The following KIAA1586 variants were observed in gnomAD, a reference collection of about 807,000 sequenced individuals.
KIAA1586 encodes E3 SUMO-protein ligase KIAA1586.
Under a neutral mutation model 6.1 loss-of-function variants are expected in KIAA1586, and 5 were observed. The ratio of observed to expected loss-of-function variants is 0.82; its 90% CI spans 0.43 to 1.73. KIAA1586 has a LOEUF of 1.73. Ranked by LOEUF, KIAA1586 falls within the 40% of genes most tolerant of loss-of-function variation. The pLI is 0.02. For synonymous variants in KIAA1586, 280 were observed against 301.7 expected (o/e 0.93, Z 0.75); for missense variants, 899 against 878.2 (o/e 1.02, Z -0.30).
downstream of KIAA1586, among the ~76,000 whole-genome samples, chr6:57,058,614 C>G (rs970063266): frequency 6.6e-6 from 1 of 152,114 alleles, no homozygotes; most frequent in Admixed American, 6.5e-5. Flanking sequence ...AAATTTGAAG[C>G]TCCAAGGATA....
At chr6:57,064,563 C>G in the KIAA1586 span, among the ~76,000 whole-genome samples, 1 of 152,256 alleles carries the variant, frequency 6.6e-6, no homozygotes, top group Non-Finnish European at 1.5e-5. Flanking sequence ...TTTTTTCTTA[C>G]AAAATCTTTG....
the KIAA1586 span, among the ~76,000 whole-genome samples, chr6:57,061,414 A>C: frequency 6.6e-6 from 1 of 152,234 alleles, no homozygotes; most frequent in African/African-American, 2.4e-5. Context: ...ATCTATTGAG[A>C]CAGGGTCTTA....
chr6:57,048,123 A>G (rs796858917), intron 2 of KIAA1586, among the ~76,000 whole-genome samples: 17 of 150,392 alleles, frequency 1.1e-4, no homozygotes, highest in South Asian at 2.1e-4. Flanking sequence ...GTTTTATGAT[A>G]TATTTTGGGG....
In KIAA1586 at chr6:57,054,027, T is replaced by TA. The variant is rs751754390; in HGVS notation, c.1529dup (p.Tyr510Ter). 67 of 1,610,730 alleles carry TA rather than the reference T, an allele frequency of 4.2e-5. No homozygotes were observed. In the East Asian group the frequency reaches 1.4e-3, roughly 33 times the overall value. ...PILYMHFSHS[Y>*]SGLAKRLANI... ...ATTATATATGCATTTTTCTCATTCT[T>TA]ACTCTGGTTTGGCGAAGAGATTAGC... The change falls in exon 4 of 4, where the codon TAC becomes TAAC. Residue 510 changes from tyrosine to a stop codon, truncating the protein, a stop_gained and frameshift_variant. Coordinates refer to ENST00000370733, the MANE Select transcript of KIAA1586 (RefSeq NM_020931.4). LOFTEE classifies it low-confidence loss of function (END_TRUNC).
intron 3 of KIAA1586, among the ~76,000 whole-genome samples, chr6:57,052,065 GTTTCAC>G (rs1210250144): frequency 6.6e-6 from 1 of 152,030 alleles, no homozygotes; most frequent in Non-Finnish European, 1.5e-5. Context: ...TGTCTTTATT[GTTTCAC>G]TTTCATCTTA....
At chr6:57,049,107 G>C (rs1828256692) in intron 2 of KIAA1586, among the ~76,000 whole-genome samples, 1 of 152,146 alleles carries the variant, frequency 6.6e-6, no homozygotes, top group East Asian at 1.9e-4. Context: ...AGGTTTGACA[G>C]CTCTTATATG....
Position 57,050,810 on chromosome 6 carries a change from C to CACCA in KIAA1586, c.142_143insACCA (p.Leu48HisfsTer6), listed in dbSNP as rs1352939765. On this transcript the variant is annotated frameshift_variant, in exon 3 of 4. Transcript: ENST00000370733. LOFTEE classifies it low-confidence loss of function (END_TRUNC). ...GAGACCTGTTCTTGAATACATCGATCTGGTCTGTGGTGATGATGAAAACCC... is the reference window on the plus strand; with the variant it reads ...GAGACCTGTTCTTGAATACATCGATCACCATGGTCTGTGGTGATGATGAAAACCC... The CACCA allele has an allele frequency of 6.2e-7, 1 of 1,613,236 alleles. No homozygotes were observed. Among genetic ancestry groups the CACCA allele is most frequent in the African/African-American group, 1.3e-5 (1 of 74,798 alleles).
intron 3 of KIAA1586, among the ~76,000 whole-genome samples, chr6:57,051,056 C>G (rs1318642253): frequency 1.3e-5 from 2 of 151,184 alleles, no homozygotes; most frequent in African/African-American, 4.9e-5. Context: ...AAGGTGAAAC[C>G]CCCATCTCTA....
In KIAA1586 at chr6:57,054,315, T is replaced by G. The variant is rs1364529894; in HGVS notation, c.1816T>G (p.Leu606Val). 6.3e-7 allele frequency: 1 copy of G among 1,588,050 alleles called. No individual in the cohort carries two copies. Among genetic ancestry groups the G allele is most frequent in the African/African-American group, 1.4e-5 (1 of 73,168 alleles). Residue 606 changes from leucine (L) to valine (V), a missense_variant, in exon 4 of 4, where the codon TTA (leucine) becomes GTA (valine). Transcript: ENST00000370733. ...ATTTAATGCTCTTCCTAGGAGTATA[T>G]TACTAGACAATATAATTCAGCACAT... ...NKFNALPRSILLDNIIQHMNL... is the reference protein window; with the variant it reads ...NKFNALPRSIVLDNIIQHMNL...
chr6:57,050,858 AGCACATTATATTT>A lies in KIAA1586; in HGVS notation c.186+6_186+18del. 6.3e-7 allele frequency: 1 copy of A among 1,593,258 alleles called. No homozygotes were observed. The highest frequency in any genetic ancestry group is 8.6e-7 in the Non-Finnish European group (1 of 1,161,322). ...CCCTAGCGCCTATTATAGTGATGTA[AGCACATTATATTT>A]GTGTTTGTTCAGTTTTCTTATTAAG... On this transcript the variant is annotated splice_donor_5th_base_variant and intron_variant, in intron 3 of 3. Transcript: ENST00000370733.
chr6:57,051,026 T>C (rs889696367), intron 3 of KIAA1586, among the ~76,000 whole-genome samples, 172 bp downstream of exon 3: 1 of 151,720 alleles, frequency 6.6e-6, no homozygotes, highest in African/African-American at 2.4e-5. Context: ...GGCCAGGAGT[T>C]CGAGACCAGC....
At chr6:57,065,601 C>T in the KIAA1586 span, among the ~76,000 whole-genome samples, 1 of 151,972 alleles carries the variant, frequency 6.6e-6, no homozygotes, top group African/African-American at 2.4e-5. Flanking sequence ...ATCCTCCCAC[C>T]TCTACCTCCC....
In KIAA1586 at chr6:57,054,396, T is replaced by A. The variant is rs1593051378; in HGVS notation, c.1897T>A (p.Leu633Met). The change falls in exon 4 of 4, where the codon TTG (leucine) becomes ATG (methionine). Residue 633 changes from leucine (L) to methionine (M), a missense_variant. By Grantham distance (15) the Leu-to-Met change is conservative. Transcript: ENST00000370733. ...TGAAGATATTTTTAATTACTTTGAT[T>A]TGCTGGAACCTTCCACATGGCCTTA... is the stretch of plus-strand genomic sequence containing the variant. The part of the protein sequence containing the change: ...NHEDIFNYFD[L>M]LEPSTWPYEE... The A allele has an allele frequency of 6.2e-7, 1 of 1,609,380 alleles. No homozygotes were observed.
chr6:57,063,316 G>A, the KIAA1586 span, among the ~76,000 whole-genome samples: 1 of 152,084 alleles, frequency 6.6e-6, no homozygotes, highest in Non-Finnish European at 1.5e-5. Context: ...GTATTTGTGT[G>A]TGGAAGGGAG....
intron 3 of KIAA1586, among the ~76,000 whole-genome samples, chr6:57,051,884 GA>G (rs1436991406): frequency 1.3e-5 from 2 of 152,162 alleles, no homozygotes; most frequent in Non-Finnish European, 2.9e-5. Context: ...GGAGACATGA[GA>G]ATTGCTTGAA....
At chr6:57,063,112 T>C in the KIAA1586 span, among the ~76,000 whole-genome samples, 1 of 152,182 alleles carries the variant, frequency 6.6e-6, no homozygotes, top group Non-Finnish European at 1.5e-5. Flanking sequence ...GATATTTCTG[T>C]GGTTCCTTTT....
the KIAA1586 span, among the ~76,000 whole-genome samples, chr6:57,061,852 C>A: frequency 6.6e-6 from 1 of 151,540 alleles, no homozygotes. Context: ...TTAACAATAT[C>A]ACAAAACATA....
chr6:57,054,228 C>A lies in KIAA1586; in HGVS notation c.1729C>A (p.Gln577Lys). 1.3e-6 allele frequency: 2 copies of A among 1,593,668 alleles called. No homozygotes were observed. Among genetic ancestry groups the A allele is most frequent in the South Asian group, 2.3e-5 (2 of 88,054 alleles). Residue 577 changes from glutamine to lysine, a missense_variant, in exon 4 of 4, where the codon CAA (glutamine) becomes AAA (lysine). Coordinates refer to ENST00000370733, the MANE Select transcript of KIAA1586 (RefSeq NM_020931.4). ...AATTGGTACTGGAAAGTATGAATCTCAAATTGAAGATTTGATCAAGTCAGA... is the reference window on the plus strand; with the variant it reads ...AATTGGTACTGGAAAGTATGAATCTAAAATTGAAGATTTGATCAAGTCAGA... ...LKIGTGKYES[Q>K]IEDLIKSDKF...
chr6:57,048,578 G>A (rs1292602716), intron 2 of KIAA1586, among the ~76,000 whole-genome samples: 2 of 152,164 alleles, frequency 1.3e-5, no homozygotes, highest in Non-Finnish European at 2.9e-5. Flanking sequence ...TATGGAGTAA[G>A]CAACGTAACT....
Sources: gnomAD v4.1 joint callset for allele counts (sites outside exome capture counted in the v4.1 genomes callset) on GRCh38, gnomAD v4.1.1 for gene constraint, MANE v1.5 for transcripts, NCBI Gene and HGNC (gene_info 2026-07-23, HGNC 2026-07-21) for gene names.